The following OR10J1 variants were observed in gnomAD, a reference collection of about 807,000 sequenced individuals.
OR10J1 encodes the protein olfactory receptor 10J1.
For missense variants in OR10J1, 474 were observed against 376.6 expected (o/e 1.26, Z -2.14); for synonymous variants, 202 against 143.8 (o/e 1.40, Z -2.89).
the OR10J1 span, among the ~76,000 whole-genome samples, chr1:159,408,471 G>C: frequency 3.4e-5 from 5 of 147,550 alleles, no homozygotes; most frequent in Non-Finnish European, 6.0e-5. Context: ...GTTGGGGGAT[G>C]GGGGGAGGGG....
chr1:159,402,072 C>A, the OR10J1 span, among the ~76,000 whole-genome samples: 2 of 151,878 alleles, frequency 1.3e-5, no homozygotes, highest in African/African-American at 2.4e-5. Context: ...CCCTAAAAAT[C>A]AGGGGATAGA....
upstream of OR10J1, among the ~76,000 whole-genome samples, chr1:159,433,721 T>C (rs557688410): frequency 1.3e-4 from 20 of 152,314 alleles, 2 homozygotes; most frequent in Middle Eastern, 3.4e-3. Flanking sequence ...TCAATCACTG[T>C]ACCCAAAACC....
At chr1:159,414,626 C>T in the OR10J1 span, among the ~76,000 whole-genome samples, 1 of 152,064 alleles carries the variant, frequency 6.6e-6, no homozygotes, top group East Asian at 1.9e-4. Context: ...ATTGCTGGAT[C>T]ATATGGTAGT....
At chr1:159,435,951 T>G (rs926857425), upstream of OR10J1, among the ~76,000 whole-genome samples, 1 of 152,176 alleles carries the variant, frequency 6.6e-6, no homozygotes, top group African/African-American at 2.4e-5. Flanking sequence ...TTTCTGTACA[T>G]CCCTAATCTG....
At chr1:159,400,499 A>C in the OR10J1 span, among the ~76,000 whole-genome samples, 128 of 151,336 alleles carry the variant, frequency 8.5e-4, no homozygotes, top group Non-Finnish European at 8.6e-4. Context: ...TATAATGATA[A>C]AGTGGTCACT....
chr1:159,435,805 A>G (rs1655720563), upstream of OR10J1, among the ~76,000 whole-genome samples: 1 of 152,212 alleles, frequency 6.6e-6, no homozygotes, highest in Admixed American at 6.5e-5. Context: ...CAAATAAAGC[A>G]GTCTGCAGAA....
chr1:159,439,661 C>G (rs550813157), upstream of OR10J1: 185 of 1,105,426 alleles, frequency 1.7e-4, no homozygotes, highest in Non-Finnish European at 2.2e-4. Context: ...ACTTAATCCA[C>G]TAGGAAATAC....
chr1:159,397,853 C>T, the OR10J1 span, among the ~76,000 whole-genome samples: 6 of 152,190 alleles, frequency 3.9e-5, no homozygotes, highest in Admixed American at 1.3e-4. Flanking sequence ...AGGACACAGG[C>T]CTGGCTGTCT....
chr1:159,399,622 A>G, the OR10J1 span, among the ~76,000 whole-genome samples: 2 of 151,670 alleles, frequency 1.3e-5, no homozygotes, highest in Non-Finnish European at 2.9e-5. Flanking sequence ...GAGTATTTCA[A>G]TCAGAAAGAA....
chr1:159,405,490 T>G, the OR10J1 span: 1 of 249,036 alleles, frequency 4.0e-6, no homozygotes, highest in East Asian at 8.8e-5. Flanking sequence ...TTTGAGCTCC[T>G]TGTTCCTCAA....
chr1:159,436,102 C>T (rs1001208134), upstream of OR10J1, among the ~76,000 whole-genome samples: 12 of 152,084 alleles, frequency 7.9e-5, 1 homozygote, highest in Admixed American at 7.9e-4. Flanking sequence ...ATTTTTATAT[C>T]ATCAACCCAG....
chr1:159,410,021 A>G, the OR10J1 span, among the ~76,000 whole-genome samples: 1 of 152,074 alleles, frequency 6.6e-6, no homozygotes, highest in Admixed American at 6.6e-5. Context: ...TGTATATTGA[A>G]CCAGCCTTGC....
At chr1:159,401,553 A>G in the OR10J1 span, among the ~76,000 whole-genome samples, 1 of 152,054 alleles carries the variant, frequency 6.6e-6, no homozygotes, top group South Asian at 2.1e-4. Flanking sequence ...TGAACCAAGA[A>G]GAAATAAAAA....
chr1:159,432,794 G>GT, the OR10J1 span: 381,642 of 402,794 alleles, frequency 0.95, 181,965 homozygotes, highest in East Asian at 1. Flanking sequence ...CTATCAAGGA[G>GT]TTATTACTTT....
At chr1:159,398,938 G>T in the OR10J1 span, among the ~76,000 whole-genome samples, 1 of 152,032 alleles carries the variant, frequency 6.6e-6, no homozygotes, top group Admixed American at 6.6e-5. Flanking sequence ...GTGCAAGAGG[G>T]TCATAGAGCA....
At chr1:159,420,641 C>G in the OR10J1 span, among the ~76,000 whole-genome samples, 1 of 151,788 alleles carries the variant, frequency 6.6e-6, no homozygotes, top group African/African-American at 2.4e-5. Flanking sequence ...CTCTATTTCT[C>G]CTTTATATAT....
the OR10J1 span, among the ~76,000 whole-genome samples, chr1:159,431,275 T>G: frequency 6.6e-6 from 1 of 152,148 alleles, no homozygotes. Flanking sequence ...CTGGCCACTG[T>G]GAATTTGAAC....
upstream of OR10J1, among the ~76,000 whole-genome samples, chr1:159,437,415 C>G (rs772400495): frequency 6.6e-6 from 1 of 151,830 alleles, no homozygotes; most frequent in Non-Finnish European, 1.5e-5. Context: ...TTCCTGAAAT[C>G]CAAGGTGGTA....
the OR10J1 span, among the ~76,000 whole-genome samples, chr1:159,422,332 G>A: frequency 1.3e-5 from 2 of 152,166 alleles, no homozygotes; most frequent in African/African-American, 4.8e-5. Context: ...CTACTACTGA[G>A]GAGGGTGGAG....
Sources: allele counts gnomAD v4.1 joint callset (sites outside exome capture counted in the v4.1 genomes callset), GRCh38; gene constraint gnomAD v4.1.1; transcripts MANE v1.5; gene names NCBI Gene and HGNC (gene_info 2026-07-23, HGNC 2026-07-21).